Variants in ERC1 observed in about 807,000 individuals in gnomAD.
The protein encoded by ERC1 is ELKS/RAB6-interacting/CAST family member 1.
A neutral mutation model predicts 132.0 loss-of-function variants in ERC1; 56 were observed. That is an observed-to-expected ratio of 0.42 (90% CI 0.34 to 0.53). The LOEUF (loss-of-function observed/expected upper bound fraction) is 0.53. ERC1 is among the 20% of genes least tolerant of loss of function. The pLI is 0.03. For synonymous variants in ERC1, 478 were observed against 476.1 expected (o/e 1.00, Z -0.05); for missense variants, 1,202 against 1,349.9 (o/e 0.89, Z 1.72).
In ERC1 at chr12:1,493,549, ATATAT is replaced by A. The variant is rs1281165711; in HGVS notation, c.*3320_*3324del. On this transcript the variant is annotated 3_prime_UTR_variant, in exon 19 of 19. Transcript: ENST00000360905. The stretch of plus-strand genomic sequence containing the variant: ...CTCCATTTAAAAAAAAAAAAAAAAA[ATATAT>A]ATATATATATATATATATATATATG... 2.4e-4 allele frequency: 10 copies of A among 42,450 alleles called. No individual in the cohort carries two copies. Among genetic ancestry groups the A allele is most frequent in the African/African-American group, 6.8e-4 (8 of 11,844 alleles). The allele number at this position is 42,450 out of a possible 1,614,324, so 2.6% of individuals were successfully genotyped here.
chr12:1,421,912 G>C (rs2092445389), intron 17 of ERC1, among the ~76,000 whole-genome samples: 1 of 151,940 alleles, frequency 6.6e-6, no homozygotes, highest in African/African-American at 2.4e-5. Context: ...TGTAGTCCCA[G>C]CTACTTGGGA....
chr12:1,221,348 G>A (rs751879281), intron 12 of ERC1, among the ~76,000 whole-genome samples: 18 of 152,044 alleles, frequency 1.2e-4, no homozygotes, highest in South Asian at 4.2e-4. Context: ...GTATAAAATC[G>A]GGTCCTTGTC....
intron 15 of ERC1, among the ~76,000 whole-genome samples, chr12:1,360,102 T>A (rs369179238): frequency 6.6e-6 from 1 of 152,226 alleles, no homozygotes; most frequent in South Asian, 2.1e-4. Flanking sequence ...CTTTTTTGTT[T>A]GTTTGTTTAA....
chr12:1,355,368 A>G (rs2085422360), intron 15 of ERC1, among the ~76,000 whole-genome samples: 1 of 152,186 alleles, frequency 6.6e-6, no homozygotes. Flanking sequence ...TTCTTTGCTC[A>G]TGGGCCATGG....
At chr12:1,225,753 A>G (rs1237012359) in intron 12 of ERC1, among the ~76,000 whole-genome samples, 3 of 152,208 alleles carry the variant, frequency 2.0e-5, no homozygotes, top group African/African-American at 4.8e-5. Context: ...TAATGCCCCA[A>G]ATAACCAGGC....
At chr12:1,244,791 T>TGA in intron 13 of ERC1, 2 of 248,870 alleles carry the variant, frequency 8.0e-6, no homozygotes, top group Non-Finnish European at 1.6e-5. Flanking sequence ...AGTGCTGGGA[T>TGA]TACAGGTGTG....
At chr12:1,451,341 A>C (rs540868860) in intron 18 of ERC1, among the ~76,000 whole-genome samples, 1 of 152,346 alleles carries the variant, frequency 6.6e-6, no homozygotes, top group South Asian at 2.1e-4. Flanking sequence ...GGCTGAGAGC[A>C]GTGGCTCATG....
intron 17 of ERC1, among the ~76,000 whole-genome samples, chr12:1,424,864 CGATA>C (rs57661979): frequency 0.14 from 14,266 of 101,090 alleles, 949 homozygotes; most frequent in Non-Finnish European, 0.15. Context: ...ATAGATAGAT[CGATA>C]GATAGATAGA....
rs1941412799 is a variant in ERC1, at chr12:1,076,739, C to T, written c.670-6425C>T. On this transcript the variant is annotated intron_variant, in intron 2 of 18. Coordinates refer to ENST00000360905, the MANE Select transcript of ERC1 (RefSeq NM_178040.4). ...TTTTTTAAGGAAGAGGTATAACTTC[C>T]CAGATACTTGCAATGCGGCTAATAT... 3.3e-5 allele frequency among the ~76,000 whole-genome samples: 5 copies of T among 152,106 alleles called. No individual in the cohort carries two copies. In the South Asian group the frequency reaches 1.0e-3, roughly 32 times the overall value.
At chr12:1,242,638 G>A (rs748816830) in intron 13 of ERC1, among the ~76,000 whole-genome samples, 1 of 152,130 alleles carries the variant, frequency 6.6e-6, no homozygotes, top group South Asian at 2.1e-4. Context: ...AAGGTTGTGA[G>A]CATTAATGAG....
At chr12:1,054,908 G>A (rs967912707) in intron 2 of ERC1, among the ~76,000 whole-genome samples, 3 of 152,066 alleles carry the variant, frequency 2.0e-5, no homozygotes, top group Non-Finnish European at 2.9e-5. Flanking sequence ...AATTTCTGGA[G>A]GAGCAGAATT....
Position 1,189,947 on chromosome 12 carries a change from A to G in ERC1, c.2246A>G (p.Asp749Gly), listed in dbSNP as rs1955535901. ...HLEREITRYKDESSKAQAEVD... is the reference protein window; with the variant it reads ...HLEREITRYKGESSKAQAEVD... ...GAGAGAGAGATCACCAGGTACAAAGATGAATCTAGCAAGGCCCAGGCAGAA... is the reference window on the plus strand; with the variant it reads ...GAGAGAGAGATCACCAGGTACAAAGGTGAATCTAGCAAGGCCCAGGCAGAA... The change falls in exon 12 of 19, where the codon GAT (aspartate) becomes GGT (glycine). Residue 749 changes from aspartate (D) to glycine (G), a missense_variant. By Grantham distance (94) the Asp-to-Gly change is moderately conservative (BLOSUM62 -1). Coordinates refer to ENST00000360905, the MANE Select transcript of ERC1 (RefSeq NM_178040.4). The G allele has an allele frequency of 1.2e-6, 2 of 1,614,018 alleles. No individual in the cohort carries two copies. The highest frequency in any genetic ancestry group is 1.7e-5 in the Admixed American group (1 of 59,994).
At chr12:1,297,423 C>T (rs576868159) in intron 15 of ERC1, among the ~76,000 whole-genome samples, 350 of 151,298 alleles carry the variant, frequency 2.3e-3, no homozygotes, top group African/African-American at 7.9e-3. Context: ...AGACATGGGC[C>T]GGGCACTGTG....
rs529709927 is a variant in ERC1, at chr12:1,099,315, T to TGCAGTGGTGTGTGG, written c.1087-5429_1087-5416dup. On this transcript the variant is annotated intron_variant, in intron 3 of 18. Transcript: ENST00000360905. ...AACACCTTGGAGTTCACAGAGACTCTGCAGTGGTGTGTGGGCAGTTTCAGA... is the reference window on the plus strand; with the variant it reads ...AACACCTTGGAGTTCACAGAGACTCTGCAGTGGTGTGTGGGCAGTGGTGTGTGGGCAGTTTCAGA... Among the ~76,000 whole-genome samples, 512 of 152,296 alleles carry TGCAGTGGTGTGTGG rather than the reference T, an allele frequency of 3.4e-3. 4 individuals carry two copies. The highest frequency in any genetic ancestry group is 0.012 in the African/African-American group (481 of 41,568).
chr12:1,181,851 C>T, intron 9 of ERC1, 74 bp from the exon 10 acceptor site: 3 of 1,393,380 alleles, frequency 2.2e-6, no homozygotes, highest in Admixed American at 2.4e-5. Context: ...GTTTGAAATT[C>T]TGCTAAAAGC....
intron 16 of ERC1, among the ~76,000 whole-genome samples, chr12:1,404,255 C>T (rs185574682): frequency 9.7e-4 from 148 of 152,222 alleles, no homozygotes; most frequent in Middle Eastern, 3.4e-3. Flanking sequence ...CGGGCTCCCT[C>T]GGGCCTTTTT....
chr12:1,037,960 C>T (rs897305394), intron 2 of ERC1, among the ~76,000 whole-genome samples: 1 of 151,462 alleles, frequency 6.6e-6, no homozygotes, highest in African/African-American at 2.4e-5. Context: ...AGGAGAATAG[C>T]GTGAACCCGG....
At chr12:1,183,229 ACCTC>A in intron 10 of ERC1, 48 bp from the exon 11 acceptor site, 4 of 1,255,704 alleles carry the variant, frequency 3.2e-6, no homozygotes, top group Non-Finnish European at 3.2e-6. Context: ...AAAAATTTAA[ACCTC>A]TATTTTTTTT....
chr12:1,420,155 A>G (rs367876731), intron 17 of ERC1, among the ~76,000 whole-genome samples: 1 of 152,190 alleles, frequency 6.6e-6, no homozygotes, highest in African/African-American at 2.4e-5. Context: ...ATAATTTATT[A>G]TTTTTAAATG....
Sources: gnomAD v4.1 joint callset for allele counts (sites outside exome capture counted in the v4.1 genomes callset) on GRCh38, gnomAD v4.1.1 for gene constraint, MANE v1.5 for transcripts, NCBI Gene and HGNC (gene_info 2026-07-23, HGNC 2026-07-21) for gene names.